FMNL1: variants seen among roughly 807,000 people sequenced by gnomAD.
FMNL1 encodes the protein formin-like protein 1.
In FMNL1, 43 loss-of-function variants were observed where a neutral mutation model predicts 121.3. The observed-to-expected ratio is 0.35, with a 90% CI of 0.28 to 0.46. The LOEUF (loss-of-function observed/expected upper bound fraction) is 0.46, where lower values mean the gene tolerates loss of function less well. FMNL1 is among the 20% of genes least tolerant of loss of function. The pLI, the probability that FMNL1 is intolerant of heterozygous loss-of-function variation, is 1.00. For synonymous variants in FMNL1, 613 were observed against 613.5 expected, an observed-to-expected ratio of 1.00 and a Z score of 0.01; for missense variants, 1,191 against 1,482.4, an observed-to-expected ratio of 0.80 and a Z score of 3.23.
intron 19 of FMNL1, 26 bp from the exon 20 acceptor site, chr17:45,244,793 C>T: frequency 6.3e-7 from 1 of 1,598,444 alleles, no homozygotes; most frequent in East Asian, 2.2e-5. Flanking sequence ...TGGCATTCTG[C>T]TGAGCCTTTC....
chr17:45,238,719 G>A (rs1181702714), intron 10 of FMNL1, 81 bp downstream of exon 10: 2 of 1,550,236 alleles, frequency 1.3e-6, no homozygotes, highest in African/African-American at 1.4e-5. Flanking sequence ...TGGGTGCTGG[G>A]CAATGGGCTC....
Position 45,234,108 on chromosome 17 carries a change from C to T in FMNL1, c.522C>T (p.Asn174=). The change falls in exon 6 of 27, where the codon AAC becomes AAT. Residue 174 remains asparagine (N), a synonymous_variant. Transcript: ENST00000331495. The part of the protein sequence containing the change: ...DMESTDNGAS[N]SEKNKPLEQS... ...AGAGCACAGACAACGGGGCTTCCAA[C>T]TCAGAGAAAAACAAGCCCCTGGAGC... 1 of 1,614,192 alleles carries T rather than the reference C, an allele frequency of 6.2e-7. No homozygotes were observed. The highest frequency in any genetic ancestry group is 1.1e-5 in the South Asian group (1 of 91,090).
At position 45,232,580 on chromosome 17, in the gene FMNL1, T is replaced by A. The variant is rs1598188999; in HGVS notation, c.327+100T>A. On this transcript the variant is annotated intron_variant, in intron 3 of 26. Coordinates refer to ENST00000331495, the MANE Select transcript of FMNL1 (RefSeq NM_005892.4). The stretch of plus-strand genomic sequence containing the variant: ...GTACAGACTTTTCTATGTGCGTGTG[T>A]GGGTGCATGTATGAGTGTGTGTGTG... The A allele has an allele frequency of 4.8e-6, 5 of 1,046,252 alleles. No individual in the cohort carries two copies. In the East Asian group the frequency reaches 1.3e-4, roughly 27 times the overall value. 64.8% of individuals were successfully genotyped at this position (1,046,252 alleles called of 1,614,324 possible).
chr17:45,227,107 G>A (rs113763178), intron 1 of FMNL1, among the ~76,000 whole-genome samples: 276 of 152,234 alleles, frequency 1.8e-3, no homozygotes, highest in African/African-American at 6.1e-3. Context: ...CAGCTTCTGG[G>A]CCCATCGGGC....
chr17:45,222,736 T>C (rs1266069018), intron 1 of FMNL1, among the ~76,000 whole-genome samples: 5 of 152,042 alleles, frequency 3.3e-5, no homozygotes, highest in African/African-American at 9.6e-5. Context: ...GGGAATGGGG[T>C]TGTCGGATCA....
At chr17:45,223,550 C>T (rs1000185073) in intron 1 of FMNL1, among the ~76,000 whole-genome samples, 12 of 152,266 alleles carry the variant, frequency 7.9e-5, no homozygotes, top group African/African-American at 2.6e-4. Flanking sequence ...CACTGAGGGA[C>T]GCCTCACACC....
rs182196971 is a variant in FMNL1, at chr17:45,236,252, G to A, written c.723+8G>A. 60 of 1,612,066 alleles carry A rather than the reference G, an allele frequency of 3.7e-5. No individual in the cohort carries two copies. The African/African-American group carries it at 6.8e-4, about 18-fold the overall frequency. On this transcript the variant is annotated splice_region_variant and intron_variant, in intron 7 of 26. Coordinates refer to ENST00000331495, the MANE Select transcript of FMNL1 (RefSeq NM_005892.4). ...GCCATCATGAACTACCAGGTCAGCC[G>A]AGGGGCATGGGACTGGCGACTAGGG...
At chr17:45,235,613 C>T (rs972276117) in intron 6 of FMNL1, among the ~76,000 whole-genome samples, 1 of 152,184 alleles carries the variant, frequency 6.6e-6, no homozygotes, top group Non-Finnish European at 1.5e-5. Flanking sequence ...GGAGTACAGT[C>T]ATATAGCACT....
rs2043821062 is a variant in FMNL1, at chr17:45,245,940, T to C, written c.3057T>C (p.Asp1019=). 8 of 1,584,392 alleles carry C rather than the reference T, an allele frequency of 5.0e-6. No individual in the cohort carries two copies. The highest frequency in any genetic ancestry group is 6.8e-6 in the Non-Finnish European group (8 of 1,169,608). ...CCGCTGCCCAGGAGGCAGGCGCTGA[T>C]ACCCCGGGCAAAGGGGAGCCCCCAG... The part of the protein sequence containing the change: ...KEAAAQEAGA[D]TPGKGEPPAP... Residue 1019 remains aspartate, a synonymous_variant, in exon 24 of 27, where the codon GAT becomes GAC. Transcript: ENST00000331495.
In FMNL1 at chr17:45,246,131, CT is replaced by C. The variant is rs747639177; in HGVS notation, c.3091-78del. ...TTTCTGCTCAAGCCAGCTGTCCTTG[CT>C]GTGGGGGACCAGGCAGATATTCCAG... On this transcript the variant is annotated intron_variant, in intron 24 of 26. Coordinates refer to ENST00000331495, the MANE Select transcript of FMNL1 (RefSeq NM_005892.4). 16 of 1,550,430 alleles carry C rather than the reference CT, an allele frequency of 1.0e-5. No individual in the cohort carries two copies. In the African/African-American group the frequency reaches 2.2e-4, roughly 21 times the overall value.
chr17:45,241,808 G>A lies in FMNL1; in HGVS notation c.1586-39G>A. ...AGGGGCCCACCCAAGTCAAGGAGCT[G>A]ACTCGCGCCTCCCCCACGCCGCGCC... On this transcript the variant is annotated intron_variant, in intron 14 of 26. Coordinates refer to ENST00000331495, the MANE Select transcript of FMNL1 (RefSeq NM_005892.4). This position sits in a 1 kb window ranked among gnomAD's most constrained non-coding sequence, Gnocchi z 7.0. 1 of 1,403,898 alleles carries A rather than the reference G, an allele frequency of 7.1e-7. No individual in the cohort carries two copies. Among genetic ancestry groups the A allele is most frequent in the Admixed American group, 3.3e-5 (1 of 30,548 alleles). The allele number at this position is 1,403,898 out of a possible 1,614,324, so 87.0% of individuals were successfully genotyped here.
Position 45,241,982 on chromosome 17 carries a change from C to G in FMNL1, c.1721C>G (p.Pro574Arg). 1 of 1,308,266 alleles carries G rather than the reference C, an allele frequency of 7.6e-7. No individual in the cohort carries two copies. 81.0% of individuals were successfully genotyped at this position (1,308,266 alleles called of 1,614,324 possible). A position where few individuals can be genotyped will look rare whatever the true frequency, so the allele number is the denominator to read the frequency against. Residue 574 changes from proline (P) to arginine (R), a missense_variant, in exon 15 of 27, where the codon CCC (proline) becomes CGC (arginine). Physicochemically the swap from Pro to Arg is moderately radical, Grantham distance 103 (BLOSUM62 -2). Coordinates refer to ENST00000331495, the MANE Select transcript of FMNL1 (RefSeq NM_005892.4). This position sits in a 1 kb window ranked among gnomAD's most constrained non-coding sequence, Gnocchi z 7.0. ...CCGCCTCTCCCTGGCAGCCCGGAGC[C>G]CCCGCCTGCGCCGCCGCTGCCCGGA... ...QAPPLPGSPE[P>R]PPAPPLPGDL...
chr17:45,241,289 G>A lies in FMNL1; in HGVS notation c.1332+59G>A. Reference sequence around the variant, plus strand: ...AAGAACAGGCCAGCTGAGGCTTCTAGGCTTGACATCTCCCTCCACCCCGGG... The same window carrying A: ...AAGAACAGGCCAGCTGAGGCTTCTAAGCTTGACATCTCCCTCCACCCCGGG... On this transcript the variant is annotated intron_variant, in intron 13 of 26. Transcript: ENST00000331495. This position sits in a 1 kb window ranked among gnomAD's most constrained non-coding sequence, Gnocchi z 7.0. The A allele has an allele frequency of 6.2e-7, 1 of 1,611,160 alleles. No homozygotes were observed. Among genetic ancestry groups the A allele is most frequent in the Non-Finnish European group, 8.5e-7 (1 of 1,178,636 alleles).
chr17:45,233,559 A>C lies in FMNL1; in HGVS notation c.402-89A>C. On this transcript the variant is annotated intron_variant, in intron 4 of 26. Transcript: ENST00000331495. This position sits in a 1 kb window ranked among gnomAD's most constrained non-coding sequence, Gnocchi z 4.1. The stretch of plus-strand genomic sequence containing the variant: ...TTGGGTCTTTGGGGGTTGAAAGGGC[A>C]CCCCAGGGGTCCTTGCTGTCCCTGT... 2 of 1,482,780 alleles carry C rather than the reference A, an allele frequency of 1.3e-6. No homozygotes were observed. Among genetic ancestry groups the C allele is most frequent in the Non-Finnish European group, 1.9e-6 (2 of 1,075,790 alleles). 91.9% of individuals were successfully genotyped at this position (1,482,780 alleles called of 1,614,324 possible). A position where few individuals can be genotyped will look rare whatever the true frequency, so the allele number is the denominator to read the frequency against.
intron 1 of FMNL1, among the ~76,000 whole-genome samples, chr17:45,225,669 C>T (rs1567954582): frequency 1.3e-5 from 2 of 152,082 alleles, no homozygotes; most frequent in African/African-American, 2.4e-5. Flanking sequence ...AACATGGAGC[C>T]CTGGAAGGTG....
At chr17:45,230,322 C>T (rs1379438973) in intron 1 of FMNL1, among the ~76,000 whole-genome samples, 1 of 152,202 alleles carries the variant, frequency 6.6e-6, no homozygotes, top group Admixed American at 6.5e-5. Context: ...CCTGCCTGCA[C>T]ACCAGGCAGG....
At chr17:45,243,577 C>T (rs2043758321) in intron 17 of FMNL1, among the ~76,000 whole-genome samples, 1 of 152,252 alleles carries the variant, frequency 6.6e-6, no homozygotes, top group Non-Finnish European at 1.5e-5. Context: ...GGGCGTCCGC[C>T]GCTGACGTAC....
At position 45,233,748 on chromosome 17, in the gene FMNL1, C is replaced by T. The variant is rs1178625819; in HGVS notation, c.485+17C>T. ...CTCTGTCACGTAAGCCCCCTGCTCC[C>T]AGCCCTCATGCCGCTCCTCAGAGCT... On this transcript the variant is annotated intron_variant, in intron 5 of 26. Coordinates refer to ENST00000331495, the MANE Select transcript of FMNL1 (RefSeq NM_005892.4). The surrounding 1 kb of genome is among the most constrained non-coding windows in gnomAD (Gnocchi z 4.1). The T allele has an allele frequency of 1.2e-6, 2 of 1,613,570 alleles. No homozygotes were observed. The highest frequency in any genetic ancestry group is 8.5e-7 in the Non-Finnish European group (1 of 1,179,840).
intron 1 of FMNL1, among the ~76,000 whole-genome samples, chr17:45,223,072 A>T (rs2043262659): frequency 6.6e-6 from 1 of 152,090 alleles, no homozygotes; most frequent in South Asian, 2.1e-4. Context: ...ACCCTGCATA[A>T]GGCAGAAGTA....
Sources: gnomAD v4.1 joint callset for allele counts (sites outside exome capture counted in the v4.1 genomes callset) on GRCh38, gnomAD v4.1.1 for gene constraint, Gnocchi (gnomAD v3.1) non-coding constraint, MANE v1.5 for transcripts, NCBI Gene and HGNC (gene_info 2026-07-23, HGNC 2026-07-21) for gene names.